Variants in SEPTIN9 observed in about 807,000 individuals in gnomAD.
SEPTIN9 encodes the protein septin 9.
In SEPTIN9, 13 loss-of-function variants were observed where a neutral mutation model predicts 56.6. The observed-to-expected ratio is 0.23, with a 90% CI of 0.15 to 0.37. The LOEUF is 0.37. Ranked by LOEUF, SEPTIN9 falls within the 10% of genes least tolerant of loss-of-function variation. The pLI, the probability that SEPTIN9 is intolerant of heterozygous loss-of-function variation, is 1.00. For missense variants in SEPTIN9, 650 were observed against 823.1 expected (o/e 0.79, Z 2.57); for synonymous variants, 332 against 334.1 (o/e 0.99, Z 0.07).
intron 2 of SEPTIN9, among the ~76,000 whole-genome samples, chr17:77,350,224 C>A (rs960534858): frequency 7.9e-5 from 12 of 151,476 alleles, no homozygotes; most frequent in African/African-American, 2.7e-4. Flanking sequence ...CGGCTCCTCA[C>A]TAGAGGGGCA....
intron 3 of SEPTIN9, among the ~76,000 whole-genome samples, chr17:77,427,982 C>A (rs1255975089): frequency 1.3e-5 from 2 of 152,216 alleles, no homozygotes; most frequent in Non-Finnish European, 2.9e-5. Context: ...TCGTTCGATT[C>A]ATTTATTGTC....
At chr17:77,474,519 G>T (rs368749893) in intron 3 of SEPTIN9, among the ~76,000 whole-genome samples, 1 of 152,232 alleles carries the variant, frequency 6.6e-6, no homozygotes. Context: ...TCAGGGCTCT[G>T]CCTCCAGCTC....
At chr17:77,377,820 C>T (rs969108730) in intron 2 of SEPTIN9, among the ~76,000 whole-genome samples, 2 of 152,318 alleles carry the variant, frequency 1.3e-5, no homozygotes, top group East Asian at 3.9e-4. Flanking sequence ...AGGCCTCTTG[C>T]GTGATGAACC....
At chr17:77,372,547 C>A (rs1670077301) in intron 2 of SEPTIN9, among the ~76,000 whole-genome samples, 1 of 152,248 alleles carries the variant, frequency 6.6e-6, no homozygotes, top group African/African-American at 2.4e-5. Context: ...TCGGAAACGT[C>A]TGCTCCTGAC....
rs1781995738 is a variant in SEPTIN9 at position 77,429,930 on chromosome 17, G to A, written c.721+27227G>A. 6.6e-6 allele frequency among the ~76,000 whole-genome samples: 1 copy of A among 152,186 alleles called. No homozygotes were observed. The highest frequency in any genetic ancestry group is 2.4e-5 in the African/African-American group (1 of 41,426). The stretch of plus-strand genomic sequence containing the variant: ...TGTCAAATCCTTTAGATGCTTCTGG[G>A]TTCCATGGGCGCCTTACACTGGCTT... On this transcript the variant is annotated intron_variant, in intron 3 of 11. Coordinates refer to ENST00000427177, the MANE Select transcript of SEPTIN9 (RefSeq NM_001113491.2). This position sits in a 1 kb window ranked among gnomAD's most constrained non-coding sequence, Gnocchi z 5.2.
intron 1 of SEPTIN9, among the ~76,000 whole-genome samples, chr17:77,300,465 C>T (rs1054822210): frequency 3.3e-5 from 5 of 152,196 alleles, no homozygotes; most frequent in Non-Finnish European, 7.4e-5. Context: ...CAGGACACAA[C>T]TCCAGGTAGC....
At chr17:77,299,191 C>T (rs111691348) in intron 1 of SEPTIN9, among the ~76,000 whole-genome samples, 4 of 152,156 alleles carry the variant, frequency 2.6e-5, no homozygotes, top group African/African-American at 4.8e-5. Context: ...CCCTCCTGGT[C>T]GCTTCCACCC....
rs1421972637 is a variant in SEPTIN9, at chr17:77,492,259, T to A, written c.1381-362T>A. Among the ~76,000 whole-genome samples, 1 of 152,028 alleles carries A rather than the reference T, an allele frequency of 6.6e-6. No individual in the cohort carries two copies. Among genetic ancestry groups the A allele is most frequent in the Non-Finnish European group, 1.5e-5 (1 of 67,976 alleles). On this transcript the variant is annotated intron_variant, in intron 8 of 11. Coordinates refer to ENST00000427177, the MANE Select transcript of SEPTIN9 (RefSeq NM_001113491.2). This position sits in a 1 kb window ranked among gnomAD's most constrained non-coding sequence, Gnocchi z 5.4. ...AGGTTACTGCAGGCGGGGCCCCTGC[T>A]GGAACTGGGGACTGTGACGAGGGTT... is the stretch of plus-strand genomic sequence containing the variant.
chr17:77,427,399 CAG>C (rs1158458658), intron 3 of SEPTIN9, among the ~76,000 whole-genome samples: 2 of 152,194 alleles, frequency 1.3e-5, no homozygotes, highest in African/African-American at 4.8e-5. Context: ...AGAGCCATGA[CAG>C]GGTGAGTTCC....
intron 3 of SEPTIN9, among the ~76,000 whole-genome samples, chr17:77,464,750 A>G (rs1329977373): frequency 2.6e-5 from 4 of 151,428 alleles, no homozygotes; most frequent in African/African-American, 7.3e-5. Flanking sequence ...ACAGGTGCCC[A>G]CCACCACACC....
intron 2 of SEPTIN9, among the ~76,000 whole-genome samples, chr17:77,381,738 T>C (rs781295778): frequency 3.3e-5 from 5 of 152,190 alleles, no homozygotes; most frequent in Non-Finnish European, 5.9e-5. Context: ...GAGGTGCTCC[T>C]TGGGATCCAC....
At chr17:77,366,000 A>G (rs1295771852) in intron 2 of SEPTIN9, among the ~76,000 whole-genome samples, 3 of 151,922 alleles carry the variant, frequency 2.0e-5, no homozygotes, top group Admixed American at 2.0e-4. Flanking sequence ...CTTCAGAAAA[A>G]CAGTAGGGAG....
At chr17:77,393,301 T>G (rs894717285) in intron 2 of SEPTIN9, among the ~76,000 whole-genome samples, 3 of 152,164 alleles carry the variant, frequency 2.0e-5, no homozygotes, top group African/African-American at 7.2e-5. Context: ...GCTGGGGTTT[T>G]TATACTTCAG....
At chr17:77,301,790 G>A (rs765630597) in intron 1 of SEPTIN9, among the ~76,000 whole-genome samples, 7 of 152,176 alleles carry the variant, frequency 4.6e-5, no homozygotes, top group Non-Finnish European at 7.3e-5. Context: ...TTGTCATAAC[G>A]CCTCATCCTA....
chr17:77,386,554 G>T (rs2035343779), intron 2 of SEPTIN9, among the ~76,000 whole-genome samples: 1 of 152,182 alleles, frequency 6.6e-6, no homozygotes, highest in Non-Finnish European at 1.5e-5. Flanking sequence ...TGGCACAAGG[G>T]TTTGGAGTTT....
chr17:77,412,529 G>GACTA (rs2036340901), intron 3 of SEPTIN9, among the ~76,000 whole-genome samples: 1 of 152,152 alleles, frequency 6.6e-6, no homozygotes, highest in African/African-American at 2.4e-5. Flanking sequence ...TTGAGCTTAG[G>GACTA]AGTTCGAGAC....
chr17:77,324,064 G>A (rs954184759), intron 2 of SEPTIN9, among the ~76,000 whole-genome samples: 1 of 152,192 alleles, frequency 6.6e-6, no homozygotes. Context: ...GGCGGCTCCC[G>A]AAACCCTTGG....
At position 77,405,431 on chromosome 17, in the gene SEPTIN9, G is replaced by C. The variant is rs547106175; in HGVS notation, c.721+2728G>C. 5.1e-4 allele frequency among the ~76,000 whole-genome samples: 77 copies of C among 152,314 alleles called. No individual in the cohort carries two copies. Among genetic ancestry groups the C allele is most frequent in the Non-Finnish European group, 7.8e-4 (53 of 68,024 alleles). On this transcript the variant is annotated intron_variant, in intron 3 of 11. Coordinates refer to ENST00000427177, the MANE Select transcript of SEPTIN9 (RefSeq NM_001113491.2). This position sits in a 1 kb window ranked among gnomAD's most constrained non-coding sequence, Gnocchi z 5.8. ...AGCTGCCAGGAACCTGGCGCTCTGG[G>C]GGGACGGTGGCTTTCTCCATGGAAT... is the stretch of plus-strand genomic sequence containing the variant.
chr17:77,455,486 C>G (rs1030725409), intron 3 of SEPTIN9, among the ~76,000 whole-genome samples: 5 of 152,206 alleles, frequency 3.3e-5, no homozygotes, highest in Non-Finnish European at 5.9e-5. Flanking sequence ...TGCTGGTGTC[C>G]CCAGTGGAAT....
Sources: allele counts gnomAD v4.1 joint callset (sites outside exome capture counted in the v4.1 genomes callset), GRCh38; gene constraint gnomAD v4.1.1; non-coding constraint Gnocchi (gnomAD v3.1); transcripts MANE v1.5; gene names NCBI Gene and HGNC (gene_info 2026-07-23, HGNC 2026-07-21).